PCDH11X: variants seen among roughly 807,000 people sequenced by gnomAD.
The protein encoded by PCDH11X is protocadherin-11 X-linked.
Under a neutral mutation model 53.3 loss-of-function variants are expected in PCDH11X, and 18 were observed. The ratio of observed to expected loss-of-function variants is 0.34; its 90% CI spans 0.23 to 0.50. The LOEUF is 0.50. PCDH11X is among the 20% of genes least tolerant of loss of function. The pLI is 0.98. For missense variants in PCDH11X, 570 were observed against 1,032.4 expected (o/e 0.55, Z 6.14); for synonymous variants, 279 against 393.3 (o/e 0.71, Z 3.44).
At chrX:92,391,084 G>T (rs2071118782) in intron 9 of PCDH11X, among the ~76,000 whole-genome samples, 1 of 101,589 alleles carries the variant, frequency 9.8e-6, no homozygotes. Flanking sequence ...GTGGCCATTG[G>T]ACTAAGGGTC....
chrX:91,886,246 T>C (rs1436276521), intron 6 of PCDH11X, among the ~76,000 whole-genome samples: 2 of 111,376 alleles, frequency 1.8e-5, no homozygotes, highest in Non-Finnish European at 3.8e-5. Flanking sequence ...CTCAATGAAA[T>C]GTCCTTGATG....
chrX:92,147,918 CCTTT>C (rs1456165492), intron 6 of PCDH11X, among the ~76,000 whole-genome samples: 1 of 92,294 alleles, frequency 1.1e-5, no homozygotes, highest in Non-Finnish European at 2.1e-5. Context: ...CTCTCTTTCT[CCTTT>C]CTTCCTTCCT....
At chrX:92,285,982 A>G (rs2068361480) in intron 8 of PCDH11X, among the ~76,000 whole-genome samples, 1 of 112,768 alleles carries the variant, frequency 8.9e-6, no homozygotes, top group Non-Finnish European at 1.9e-5. Context: ...TAAGGCACAG[A>G]TCGCTCATGC....
At chrX:92,193,510 C>T (rs1004207461) in intron 6 of PCDH11X, among the ~76,000 whole-genome samples, 1 of 111,157 alleles carries the variant, frequency 9.0e-6, no homozygotes, top group Non-Finnish European at 1.9e-5. Context: ...ATAACAAGAA[C>T]ATTATAATTT....
intron 8 of PCDH11X, among the ~76,000 whole-genome samples, chrX:92,267,056 A>C (rs1392677763): frequency 2.7e-5 from 3 of 111,781 alleles, no homozygotes; most frequent in East Asian, 5.6e-4. Flanking sequence ...ACTTATTTTC[A>C]ACTAAAAAGG....
chrX:92,060,562 T>C (rs2063509835), intron 6 of PCDH11X, among the ~76,000 whole-genome samples: 1 of 110,100 alleles, frequency 9.1e-6, no homozygotes, highest in Non-Finnish European at 1.9e-5. Context: ...GATTAGCTTC[T>C]ACTTATAACA....
intron 10 of PCDH11X, among the ~76,000 whole-genome samples, chrX:92,607,767 G>A (rs35217406): frequency 4.5e-5 from 5 of 111,397 alleles, no homozygotes; most frequent in African/African-American, 1.3e-4. Flanking sequence ...TCAGGCTGCC[G>A]GATAAATTGC....
At chrX:92,537,215 A>ATTT (rs34368930) in intron 10 of PCDH11X, among the ~76,000 whole-genome samples, 30 of 95,122 alleles carry the variant, frequency 3.2e-4, no homozygotes, top group African/African-American at 1.1e-3. Flanking sequence ...CCATTTGTCC[A>ATTT]TTTTTTTTTT....
At chrX:91,810,047 A>G (rs1444725776) in intron 2 of PCDH11X, among the ~76,000 whole-genome samples, 1 of 111,555 alleles carries the variant, frequency 9.0e-6, no homozygotes, top group African/African-American at 3.2e-5. Context: ...AAAATAATTC[A>G]TGTAGGTAGG....
At chrX:92,525,216 G>A (rs1224108105) in intron 10 of PCDH11X, among the ~76,000 whole-genome samples, 7 of 111,264 alleles carry the variant, frequency 6.3e-5, no homozygotes, top group Non-Finnish European at 1.1e-4. Flanking sequence ...CCTGAATTAT[G>A]TCTTTGTTTG....
At chrX:92,313,771 T>A (rs1449231032) in intron 8 of PCDH11X, among the ~76,000 whole-genome samples, 1 of 111,905 alleles carries the variant, frequency 8.9e-6, no homozygotes, top group African/African-American at 3.3e-5. Flanking sequence ...AATGTATATA[T>A]TTGTAACCTG....
At chrX:91,886,855 C>T (rs1263532745) in intron 6 of PCDH11X, among the ~76,000 whole-genome samples, 1 of 106,673 alleles carries the variant, frequency 9.4e-6, no homozygotes, top group Non-Finnish European at 1.9e-5. Flanking sequence ...CCTGTAGTCC[C>T]AGCTACTCGG....
At chrX:92,262,184 A>T (rs62598533) in intron 7 of PCDH11X, among the ~76,000 whole-genome samples, 6,200 of 110,801 alleles carry the variant, frequency 0.056, 216 homozygotes, top group East Asian at 0.23. Flanking sequence ...TGTTGACTCT[A>T]TTTCTCTTAG....
chrX:92,073,916 CAT>C (rs780277756), intron 6 of PCDH11X, among the ~76,000 whole-genome samples: 3 of 112,192 alleles, frequency 2.7e-5, no homozygotes, highest in Non-Finnish European at 3.8e-5. Context: ...TGGCTATAAA[CAT>C]GTGTAGGACA....
chrX:91,865,933 G>T (rs969194005), intron 5 of PCDH11X, among the ~76,000 whole-genome samples: 1 of 109,971 alleles, frequency 9.1e-6, no homozygotes, highest in African/African-American at 3.3e-5. Flanking sequence ...GTCCAGAAAT[G>T]CTACCCAAGG....
At chrX:92,325,368 A>G (rs992782270) in intron 8 of PCDH11X, among the ~76,000 whole-genome samples, 2 of 111,118 alleles carry the variant, frequency 1.8e-5, no homozygotes, top group African/African-American at 6.5e-5. Context: ...CAGACATTAT[A>G]TATACATTTT....
intron 10 of PCDH11X, among the ~76,000 whole-genome samples, chrX:92,559,394 G>A (rs2145186): frequency 9.1e-6 from 1 of 109,999 alleles, no homozygotes; most frequent in Non-Finnish European, 1.9e-5. Flanking sequence ...TATAAGCCTA[G>A]GCTGTTTATC....
At chrX:91,841,806 ACAC>A (rs1397585156) in intron 5 of PCDH11X, among the ~76,000 whole-genome samples, 1 of 98,560 alleles carries the variant, frequency 1.0e-5, no homozygotes, top group East Asian at 3.2e-4. Context: ...TTATATAACA[ACAC>A]TGCTGTGGAG....
At chrX:91,948,747 A>G (rs1262389964) in intron 6 of PCDH11X, among the ~76,000 whole-genome samples, 1 of 110,357 alleles carries the variant, frequency 9.1e-6, no homozygotes, top group African/African-American at 3.3e-5. Flanking sequence ...TCCAACAAGG[A>G]CAAGTGGAGA....
Sources: allele counts gnomAD v4.1 joint callset (sites outside exome capture counted in the v4.1 genomes callset), GRCh38; gene constraint gnomAD v4.1.1; transcripts MANE v1.5; gene names NCBI Gene and HGNC (gene_info 2026-07-23, HGNC 2026-07-21).